Variants in OLFM3 observed in about 807,000 individuals in gnomAD.
The protein encoded by OLFM3 is noelin-3.
Under a neutral mutation model 48.6 loss-of-function variants are expected in OLFM3, and 20 were observed. The ratio of observed to expected loss-of-function variants is 0.41; its 90% CI spans 0.29 to 0.60. The LOEUF is 0.60. OLFM3 is among the 20% of genes least tolerant of loss of function. The probability of loss-of-function intolerance (pLI) is 0.28; values close to 1 mark genes in which losing one functional copy is unlikely to be tolerated. For missense variants in OLFM3, 437 were observed against 544.3 expected, an observed-to-expected ratio of 0.80 and a Z score of 1.96; for synonymous variants, 222 against 198.1, an observed-to-expected ratio of 1.12 and a Z score of -1.01.
At chr1:101,934,896 A>C (rs909384776) in intron 1 of OLFM3, among the ~76,000 whole-genome samples, 3 of 152,158 alleles carry the variant, frequency 2.0e-5, no homozygotes, top group African/African-American at 7.2e-5. Flanking sequence ...TTAAGGCAGA[A>C]ATCAAGAAAT....
intron 1 of OLFM3, among the ~76,000 whole-genome samples, chr1:101,837,496 C>T (rs1035468670): frequency 6.6e-6 from 1 of 152,040 alleles, no homozygotes; most frequent in Non-Finnish European, 1.5e-5. Flanking sequence ...ATATTGAAGC[C>T]TTAATTATTA....
At chr1:101,984,269 G>C (rs1359737863) in intron 1 of OLFM3, among the ~76,000 whole-genome samples, 1 of 133,824 alleles carries the variant, frequency 7.5e-6, no homozygotes, top group Non-Finnish European at 1.6e-5. Context: ...AAAAAAAAAA[G>C]TTCTTAAATT....
chr1:101,872,946 T>C (rs1657142909), intron 1 of OLFM3, among the ~76,000 whole-genome samples: 2 of 152,010 alleles, frequency 1.3e-5, no homozygotes, highest in African/African-American at 4.8e-5. Context: ...CAAATCAACC[T>C]AATTTTAATT....
At chr1:101,981,788 C>T (rs1205375451) in intron 1 of OLFM3, among the ~76,000 whole-genome samples, 1 of 152,066 alleles carries the variant, frequency 6.6e-6, no homozygotes, top group Non-Finnish European at 1.5e-5. Flanking sequence ...GTCAACATAC[C>T]AACCCATTAC....
At chr1:101,959,352 T>A (rs962873347) in intron 1 of OLFM3, among the ~76,000 whole-genome samples, 4 of 147,238 alleles carry the variant, frequency 2.7e-5, no homozygotes, top group African/African-American at 1.0e-4. Flanking sequence ...TTTTTTTTTT[T>A]AACTTTTTTA....
intron 1 of OLFM3, among the ~76,000 whole-genome samples, chr1:101,844,100 G>A (rs1276005001): frequency 6.6e-6 from 1 of 152,144 alleles, no homozygotes; most frequent in Admixed American, 6.5e-5. Flanking sequence ...CCACATGGAA[G>A]CAGCAGTAAG....
intron 1 of OLFM3, among the ~76,000 whole-genome samples, chr1:101,887,616 T>C (rs985649025): frequency 6.6e-6 from 1 of 152,056 alleles, no homozygotes; most frequent in African/African-American, 2.4e-5. Flanking sequence ...AAATTCAGTA[T>C]TATTGTACTT....
At chr1:101,919,589 CA>C (rs1659030176) in intron 1 of OLFM3, among the ~76,000 whole-genome samples, 1 of 152,198 alleles carries the variant, frequency 6.6e-6, no homozygotes, top group Non-Finnish European at 1.5e-5. Flanking sequence ...TCCTCAGCCA[CA>C]TTTACCTCTC....
chr1:101,910,329 G>A (rs767029614), intron 1 of OLFM3, among the ~76,000 whole-genome samples: 3 of 152,118 alleles, frequency 2.0e-5, no homozygotes, highest in Admixed American at 6.5e-5. Context: ...AGCCGGGCGT[G>A]GTAGCGGGCG....
At chr1:101,873,563 G>A (rs372477834) in intron 1 of OLFM3, among the ~76,000 whole-genome samples, 1 of 151,804 alleles carries the variant, frequency 6.6e-6, no homozygotes, top group East Asian at 1.9e-4. Flanking sequence ...GGGCCCAGGT[G>A]GGGGGTGCAA....
intron 4 of OLFM3, among the ~76,000 whole-genome samples, chr1:101,817,248 C>A (rs1311652221): frequency 1.3e-5 from 2 of 152,114 alleles, no homozygotes; most frequent in African/African-American, 4.8e-5. Flanking sequence ...ACAAATGTTC[C>A]TGCAAAGGTG....
At chr1:101,886,439 G>A (rs534569504) in intron 1 of OLFM3, among the ~76,000 whole-genome samples, 4 of 152,038 alleles carry the variant, frequency 2.6e-5, no homozygotes, top group Non-Finnish European at 5.9e-5. Flanking sequence ...TGATAATTTT[G>A]TATGTACATA....
At chr1:101,921,951 C>T (rs1020166127) in intron 1 of OLFM3, among the ~76,000 whole-genome samples, 8 of 151,848 alleles carry the variant, frequency 5.3e-5, no homozygotes, top group Admixed American at 1.3e-4. Context: ...CCCAGCTACT[C>T]GGGAGGCTGA....
chr1:101,915,182 C>A (rs1301569504), intron 1 of OLFM3, among the ~76,000 whole-genome samples: 1 of 152,028 alleles, frequency 6.6e-6, no homozygotes, highest in African/African-American at 2.4e-5. Flanking sequence ...CAAGATATTA[C>A]GCTAATATCA....
intron 1 of OLFM3, among the ~76,000 whole-genome samples, chr1:101,949,782 C>T (rs897992207): frequency 2.0e-5 from 3 of 151,724 alleles, no homozygotes; most frequent in Non-Finnish European, 4.4e-5. Context: ...TACAAAAAAT[C>T]AGCCGGGCGT....
Position 101,847,162 on chromosome 1 carries a change from T to C in OLFM3, c.70-10137A>G, listed in dbSNP as rs113535372. 5.9e-5 allele frequency: 34 copies of C among 572,948 alleles called. 1 individual carries two copies. Among genetic ancestry groups the C allele is most frequent in the African/African-American group, 5.3e-4 (26 of 49,398 alleles). 35.5% of individuals were successfully genotyped at this position (572,948 alleles called of 1,614,324 possible). A position where few individuals can be genotyped will look rare whatever the true frequency, so the allele number is the denominator to read the frequency against. On this transcript the variant is annotated intron_variant, in intron 1 of 5. Coordinates refer to ENST00000370103, the MANE Select transcript of OLFM3 (RefSeq NM_058170.4). ...CGTGGGAAGTGCCCTGCCCTTCTTT[T>C]TCCTCCCTTACCAGACATTTTGCTG...
chr1:101,803,210 A>G lies in OLFM3; in HGVS notation c.*1028T>C, dbSNP rs952695396. The stretch of plus-strand genomic sequence containing the variant: ...ATGTGCTTATTTTCAGGGTCCTGAC[A>G]TAAGGAATTTCATTATTGCAAGTTG... On this transcript the variant is annotated 3_prime_UTR_variant, in exon 6 of 6. Coordinates refer to ENST00000370103, the MANE Select transcript of OLFM3 (RefSeq NM_058170.4). 4 of 152,122 alleles carry G rather than the reference A, an allele frequency of 2.6e-5. No individual in the cohort carries two copies. In the Admixed American group the frequency reaches 2.6e-4, roughly 10 times the overall value. 9.4% of individuals were successfully genotyped at this position (152,122 alleles called of 1,614,324 possible). A position where few individuals can be genotyped will look rare whatever the true frequency, so the allele number is the denominator to read the frequency against.
chr1:101,920,650 C>A (rs1659065449), intron 1 of OLFM3, among the ~76,000 whole-genome samples: 1 of 152,072 alleles, frequency 6.6e-6, no homozygotes, highest in Non-Finnish European at 1.5e-5. Flanking sequence ...CAGTGACTTG[C>A]CTGTATTTTT....
At chr1:101,996,414 A>C (rs1277639776) in intron 1 of OLFM3, among the ~76,000 whole-genome samples, 2 of 152,156 alleles carry the variant, frequency 1.3e-5, no homozygotes, top group Non-Finnish European at 2.9e-5. Context: ...TTCTACTGCA[A>C]ACTCCTTTGC....
Sources: gnomAD v4.1 joint callset for allele counts (sites outside exome capture counted in the v4.1 genomes callset) on GRCh38, gnomAD v4.1.1 for gene constraint, MANE v1.5 for transcripts, NCBI Gene and HGNC (gene_info 2026-07-23, HGNC 2026-07-21) for gene names.